The following NPAS3 variants were observed in gnomAD, a reference collection of about 807,000 sequenced individuals.
The protein encoded by NPAS3 is neuronal PAS domain-containing protein 3.
A neutral mutation model predicts 73.1 loss-of-function variants in NPAS3; 14 were observed. The observed-to-expected ratio is 0.19, with a 90% CI of 0.13 to 0.30. The LOEUF (loss-of-function observed/expected upper bound fraction) is 0.30, where lower values mean the gene tolerates loss of function less well. NPAS3 is among the 10% of genes least tolerant of loss of function. The pLI, the probability that NPAS3 is intolerant of heterozygous loss-of-function variation, is 1.00. For synonymous variants in NPAS3, 620 were observed against 541.5 expected (o/e 1.14, Z -2.01); for missense variants, 1,096 against 1,250.0 (o/e 0.88, Z 1.86).
At chr14:33,308,099 T>TG (rs981594719) in intron 3 of NPAS3, among the ~76,000 whole-genome samples, 1 of 152,098 alleles carries the variant, frequency 6.6e-6, no homozygotes, top group African/African-American at 2.4e-5. Context: ...GACAGGAGAA[T>TG]GGGGGGTATC....
chr14:33,240,290 C>T (rs2048172833), intron 3 of NPAS3, among the ~76,000 whole-genome samples: 1 of 151,838 alleles, frequency 6.6e-6, no homozygotes, highest in Non-Finnish European at 1.5e-5. Flanking sequence ...TACTACTCAA[C>T]ATATCTGGTT....
chr14:32,980,421 G>C (rs934211836), intron 1 of NPAS3, among the ~76,000 whole-genome samples: 4 of 152,182 alleles, frequency 2.6e-5, no homozygotes, highest in Admixed American at 2.6e-4. Context: ...CTTAAACAGA[G>C]AGTGCAGTTA....
Position 32,971,026 on chromosome 14 carries a change from C to G in NPAS3, c.50+31660C>G, listed in dbSNP as rs1240349635. Among the ~76,000 whole-genome samples, 4 of 151,906 alleles carry G rather than the reference C, an allele frequency of 2.6e-5. No homozygotes were observed. In the South Asian group the frequency reaches 8.3e-4, roughly 32 times the overall value. On this transcript the variant is annotated intron_variant, in intron 1 of 11. Coordinates refer to ENST00000356141, the Ensembl canonical transcript of NPAS3. ...TGACCACCTGGAAGTATGGCACTCT[C>G]TCTTCTCTGTGGCAATTAAGATTGG...
At chr14:33,639,060 T>C (rs2058604648) in intron 5 of NPAS3, among the ~76,000 whole-genome samples, 1 of 152,210 alleles carries the variant, frequency 6.6e-6, no homozygotes, top group South Asian at 2.1e-4. Flanking sequence ...CAAAGGTTAA[T>C]ACACCAAAGC....
At chr14:33,488,374 A>G (rs1356760489) in intron 4 of NPAS3, among the ~76,000 whole-genome samples, 1 of 151,914 alleles carries the variant, frequency 6.6e-6, no homozygotes, top group Non-Finnish European at 1.5e-5. Context: ...TTTTATGTAC[A>G]ATGGAAAGCA....
At chr14:33,304,822 A>G (rs1444909099) in intron 3 of NPAS3, among the ~76,000 whole-genome samples, 2 of 152,192 alleles carry the variant, frequency 1.3e-5, no homozygotes, top group Non-Finnish European at 2.9e-5. Flanking sequence ...TTGTTCTAAC[A>G]AATATTCCAA....
At chr14:33,086,198 T>C (rs991097210) in intron 2 of NPAS3, among the ~76,000 whole-genome samples, 7 of 152,184 alleles carry the variant, frequency 4.6e-5, no homozygotes, top group Admixed American at 1.3e-4. Context: ...TTAAAGAACA[T>C]CTTGATAAAG....
intron 4 of NPAS3, among the ~76,000 whole-genome samples, chr14:33,539,975 A>G (rs1015726135): frequency 6.6e-6 from 1 of 152,162 alleles, no homozygotes; most frequent in South Asian, 2.1e-4. Context: ...GAGGCTGACC[A>G]CGAATGCATC....
At chr14:33,380,046 A>C (rs60212885) in intron 4 of NPAS3, among the ~76,000 whole-genome samples, 22,865 of 102,112 alleles carry the variant, frequency 0.22, 2,195 homozygotes, top group East Asian at 0.36. Context: ...GTGGGGGGGA[A>C]AAAGAAAATG....
At chr14:33,198,174 C>T (rs1355675380) in intron 2 of NPAS3, among the ~76,000 whole-genome samples, 2 of 152,130 alleles carry the variant, frequency 1.3e-5, no homozygotes, top group Admixed American at 6.5e-5. Flanking sequence ...AAAGTCAGTG[C>T]GGACCCAAAG....
chr14:33,099,290 A>T (rs920560722), intron 2 of NPAS3, among the ~76,000 whole-genome samples: 2 of 152,202 alleles, frequency 1.3e-5, no homozygotes, highest in Admixed American at 1.3e-4. Flanking sequence ...TTGAGGACAT[A>T]GATTAAAAAA....
chr14:33,362,683 AC>A (rs1200073780), intron 3 of NPAS3, among the ~76,000 whole-genome samples: 1 of 152,052 alleles, frequency 6.6e-6, no homozygotes, highest in Non-Finnish European at 1.5e-5. Flanking sequence ...ATCAGGGGTT[AC>A]CGGGCATGAA....
At chr14:33,325,639 CA>C (rs1164467989) in intron 3 of NPAS3, among the ~76,000 whole-genome samples, 2,990 of 62,040 alleles carry the variant, frequency 0.048, 99 homozygotes, top group East Asian at 0.23. Context: ...GACTCCGTCT[CA>C]AAAAAAAAAA....
At chr14:33,500,804 A>G (rs959196410) in intron 4 of NPAS3, among the ~76,000 whole-genome samples, 2 of 151,960 alleles carry the variant, frequency 1.3e-5, no homozygotes, top group Admixed American at 1.3e-4. Context: ...ACATGTTTTA[A>G]GTGCAATCCA....
chr14:33,651,802 T>A (rs1466077772), intron 5 of NPAS3, among the ~76,000 whole-genome samples: 1 of 152,216 alleles, frequency 6.6e-6, no homozygotes, highest in Non-Finnish European at 1.5e-5. Context: ...CTTTTAATTT[T>A]GGAGTAGGCC....
intron 4 of NPAS3, among the ~76,000 whole-genome samples, chr14:33,518,956 A>G (rs2053437548): frequency 6.6e-6 from 1 of 152,178 alleles, no homozygotes; most frequent in South Asian, 2.1e-4. Context: ...GGAATGAATG[A>G]GTAAATTAAT....
chr14:33,511,069 G>C (rs905931484), intron 4 of NPAS3, among the ~76,000 whole-genome samples: 23 of 152,022 alleles, frequency 1.5e-4, no homozygotes, highest in African/African-American at 5.6e-4. Flanking sequence ...TAGTTTCATA[G>C]TTCTTTTACT....
At chr14:33,333,424 A>G (rs2044076247) in intron 3 of NPAS3, among the ~76,000 whole-genome samples, 2 of 152,186 alleles carry the variant, frequency 1.3e-5, no homozygotes, top group African/African-American at 4.8e-5. Context: ...TTTTACCTAT[A>G]TTGTTATATT....
chr14:32,960,238 A>T (rs894183922), intron 1 of NPAS3, among the ~76,000 whole-genome samples: 5 of 152,096 alleles, frequency 3.3e-5, no homozygotes, highest in African/African-American at 1.2e-4. Flanking sequence ...TATTCCTTAC[A>T]CTGATTACCA....
Sources: allele counts gnomAD v4.1 joint callset (sites outside exome capture counted in the v4.1 genomes callset), GRCh38; gene constraint gnomAD v4.1.1; transcripts MANE v1.5; gene names NCBI Gene and HGNC (gene_info 2026-07-23, HGNC 2026-07-21).